Variants in NDUFA10 observed in about 807,000 individuals in gnomAD.
NDUFA10 encodes NADH:ubiquinone oxidoreductase subunit A10, also known as NADH dehydrogenase [ubiquinone] 1 alpha subcomplex subunit 10, mitochondrial.
Under a neutral mutation model 47.8 loss-of-function variants are expected in NDUFA10, and 40 were observed. That is an observed-to-expected ratio of 0.84 (90% CI 0.65 to 1.09). The LOEUF is 1.09. Ranked by LOEUF, NDUFA10 falls within the 50% of genes least tolerant of loss-of-function variation. The pLI is 0.00. For missense variants in NDUFA10, 413 were observed against 451.1 expected (o/e 0.92, Z 0.76); for synonymous variants, 183 against 172.2 (o/e 1.06, Z -0.49).
chr2:239,938,922 G>C (rs1244563241), intron 4 of NDUFA10, among the ~76,000 whole-genome samples: 1 of 152,208 alleles, frequency 6.6e-6, no homozygotes, highest in African/African-American at 2.4e-5. Context: ...CTTGGTTCCT[G>C]TTTAGCCGTT....
chr2:240,017,889 GCTCCAGCCACC>G lies in NDUFA10; in HGVS notation c.547+653_547+663del, dbSNP rs897765179. The G allele has an allele frequency of 3.2e-6, 5 of 1,568,352 alleles. No homozygotes were observed. In the African/African-American group the frequency reaches 6.8e-5, roughly 21 times the overall value. On this transcript the variant is annotated intron_variant, in intron 4 of 9. Transcript: ENST00000252711. ...GCTCCCAGATTCCAGCTTTCCACTG[GCTCCAGCCACC>G]CCAGTCTACAGATGAAAATGCCGTC... is the stretch of plus-strand genomic sequence containing the variant.
chr2:239,942,383 G>A (rs1323204146), intron 4 of NDUFA10, among the ~76,000 whole-genome samples: 1 of 152,226 alleles, frequency 6.6e-6, no homozygotes, highest in South Asian at 2.1e-4. Context: ...GGCTGGGGCC[G>A]CTGGTCCAGG....
rs1409632717 is a variant in NDUFA10 at position 240,011,620 on chromosome 2, A to G, written c.746T>C (p.Met249Thr). 1.9e-6 allele frequency: 3 copies of G among 1,610,258 alleles called. No individual in the cohort carries two copies. Among genetic ancestry groups the G allele is most frequent in the East Asian group, 2.2e-5 (1 of 44,880 alleles). ...ATCAGTCGTGTGTTTGGCTCACCTC[A>G]TCTCAGGGAGAAAGGTTTTCTTATA... ...NAYKKTFLPE[M>T]SEKCEVLQYS... The change falls in exon 6 of 10, where the codon ATG becomes ACG. Residue 249 changes from methionine (M) to threonine (T), a missense_variant. Coordinates refer to ENST00000252711, the MANE Select transcript of NDUFA10 (RefSeq NM_004544.4).
chr2:240,019,104 G>C (rs1437110776), intron 3 of NDUFA10, among the ~76,000 whole-genome samples: 1 of 152,138 alleles, frequency 6.6e-6, no homozygotes, highest in Admixed American at 6.5e-5. Context: ...TCCCCAGCCA[G>C]CCTCCTTGCA....
chr2:239,918,210 G>A (rs971527169), intron 4 of NDUFA10, among the ~76,000 whole-genome samples: 9 of 152,142 alleles, frequency 5.9e-5, no homozygotes, highest in Admixed American at 4.6e-4. Flanking sequence ...CTGGCACATG[G>A]CCAGCACCTG....
rs1409787256 is a variant in NDUFA10, at chr2:239,938,254, G to A, written c.295-42940C>T. Among the ~76,000 whole-genome samples, 10 of 152,282 alleles carry A rather than the reference G, an allele frequency of 6.6e-5. No homozygotes were observed. The South Asian group carries it at 1.0e-3, about 16-fold the overall frequency. ...CACCGTGATATGGAATAAACCTGTA[G>A]CGTGGCAATGGCAGTGCTCTGCCCA... is the stretch of plus-strand genomic sequence containing the variant. On this transcript the variant is annotated intron_variant, in intron 4 of 5. Transcript: ENST00000419408.
At chr2:239,995,257 C>T (rs984836333) in intron 8 of NDUFA10, among the ~76,000 whole-genome samples, 2 of 151,772 alleles carry the variant, frequency 1.3e-5, no homozygotes, top group Non-Finnish European at 2.9e-5. Flanking sequence ...CGATGGGCAA[C>T]AGAGCAAGAC....
intron 8 of NDUFA10, among the ~76,000 whole-genome samples, chr2:239,992,502 C>T (rs1696292887): frequency 6.6e-6 from 1 of 152,166 alleles, no homozygotes; most frequent in African/African-American, 2.4e-5. Flanking sequence ...CACTGTACTT[C>T]TGAAACCAAA....
intron 4 of NDUFA10, among the ~76,000 whole-genome samples, chr2:239,921,947 T>C (rs1394850761): frequency 6.6e-6 from 1 of 150,624 alleles, no homozygotes; most frequent in East Asian, 2.0e-4. Flanking sequence ...CTTCTTTCCT[T>C]TCCTCCTCCC....
At chr2:239,972,300 G>A (rs1445299196) in intron 9 of NDUFA10, among the ~76,000 whole-genome samples, 1 of 152,074 alleles carries the variant, frequency 6.6e-6, no homozygotes, top group East Asian at 1.9e-4. Context: ...ACGATTGAGT[G>A]AGGGCCTGTG....
chr2:239,944,238 G>T (rs1694408191), intron 4 of NDUFA10, among the ~76,000 whole-genome samples: 1 of 152,244 alleles, frequency 6.6e-6, no homozygotes, highest in Non-Finnish European at 1.5e-5. Context: ...AGGACCTGGG[G>T]CCAGCCTAGA....
At chr2:239,904,635 G>A (rs1216480550) in intron 4 of NDUFA10, among the ~76,000 whole-genome samples, 1 of 152,206 alleles carries the variant, frequency 6.6e-6, no homozygotes, top group Non-Finnish European at 1.5e-5. Flanking sequence ...AGAGACTGCA[G>A]GCCCTGCCCT....
chr2:240,014,654 G>C, intron 5 of NDUFA10, 85 bp downstream of exon 5: 1 of 1,582,782 alleles, frequency 6.3e-7, no homozygotes, highest in Non-Finnish European at 8.7e-7. Flanking sequence ...GTAGGAATTA[G>C]TATAAATGCT....
At chr2:239,929,887 C>CAG (rs1694132396) in intron 4 of NDUFA10, among the ~76,000 whole-genome samples, 1 of 148,750 alleles carries the variant, frequency 6.7e-6, no homozygotes, top group Non-Finnish European at 1.5e-5. Flanking sequence ...TCCTCCACTG[C>CAG]CCCTGCTCCT....
At chr2:239,972,976 T>C (rs1433598309) in intron 9 of NDUFA10, among the ~76,000 whole-genome samples, 1 of 152,238 alleles carries the variant, frequency 6.6e-6, no homozygotes, top group African/African-American at 2.4e-5. Flanking sequence ...GACAGGCAGA[T>C]ACCACATACC....
At chr2:240,009,392 G>A (rs1278512614) in intron 6 of NDUFA10, among the ~76,000 whole-genome samples, 1 of 152,198 alleles carries the variant, frequency 6.6e-6, no homozygotes, top group East Asian at 1.9e-4. Flanking sequence ...CCAAATGTTG[G>A]TGAAACTAAG....
chr2:239,968,841 T>G (rs1320432795), intron 9 of NDUFA10, among the ~76,000 whole-genome samples: 1 of 152,162 alleles, frequency 6.6e-6, no homozygotes, highest in African/African-American at 2.4e-5. Flanking sequence ...GAGCTCCCAC[T>G]GGCCAGAGCA....
intron 5 of NDUFA10, among the ~76,000 whole-genome samples, chr2:239,893,733 G>A (rs1452353564): frequency 4.6e-5 from 7 of 152,170 alleles, no homozygotes; most frequent in African/African-American, 7.2e-5. Context: ...GTTTCAACAC[G>A]AATTTTGAGG....
chr2:240,006,231 G>T (rs1381858153), intron 7 of NDUFA10, among the ~76,000 whole-genome samples: 2 of 152,132 alleles, frequency 1.3e-5, no homozygotes, highest in African/African-American at 2.4e-5. Context: ...TCTCTCAAAG[G>T]TATATAAATA....
Sources: gnomAD v4.1 joint callset for allele counts (sites outside exome capture counted in the v4.1 genomes callset) on GRCh38, gnomAD v4.1.1 for gene constraint, MANE v1.5 for transcripts, NCBI Gene and HGNC (gene_info 2026-07-23, HGNC 2026-07-21) for gene names.